The following GRIK1 variants were observed in gnomAD, a reference collection of about 807,000 sequenced individuals.
The protein encoded by GRIK1 is glutamate ionotropic receptor kainate type subunit 1.
GRIK1 carries 69 observed loss-of-function variants against 105.7 expected under a neutral mutation model. The ratio of observed to expected loss-of-function variants is 0.65; its 90% CI spans 0.54 to 0.80. The LOEUF is 0.80. Ranked by LOEUF, GRIK1 falls within the 30% of genes least tolerant of loss-of-function variation. The probability of loss-of-function intolerance (pLI) is 0.00; values close to 1 mark genes in which losing one functional copy is unlikely to be tolerated. For synonymous variants in GRIK1, 438 were observed against 431.3 expected (o/e 1.02, Z -0.19); for missense variants, 1,109 against 1,167.3 (o/e 0.95, Z 0.73).
In GRIK1 at chr21:29,581,515, G is replaced by A. The variant is rs1357481870; in HGVS notation, c.1822C>T (p.His608Tyr). 7 of 1,608,808 alleles carry A rather than the reference G, an allele frequency of 4.4e-6. No homozygotes were observed. The highest frequency in any genetic ancestry group is 6.0e-6 in the Non-Finnish European group (7 of 1,175,406). ...RFTPYEWYNP[H>Y]PCNPDSDVVE... ...ACGTCTGAGTCAGGGTTGCATGGGTGGGGGTTATACCACTCGTAGGGTGTA... is the reference window on the plus strand; with the variant it reads ...ACGTCTGAGTCAGGGTTGCATGGGTAGGGGTTATACCACTCGTAGGGTGTA... The change falls in exon 13 of 18, where the codon CAC becomes TAC. Residue 608 changes from histidine to tyrosine, a missense_variant. By Grantham distance (83) the His-to-Tyr change is moderately conservative (BLOSUM62 2). Around this residue, in one of 5 missense-constraint regions of GRIK1, gnomAD observed 264 missense variants for 306.9 expected, o/e 0.86. Transcript: ENST00000327783.
chr21:29,902,259 C>T (rs1163253009), intron 1 of GRIK1, among the ~76,000 whole-genome samples: 2 of 152,206 alleles, frequency 1.3e-5, no homozygotes, highest in African/African-American at 2.4e-5. Flanking sequence ...TCCTCTCTTA[C>T]CACTCCTATT....
intron 7 of GRIK1, among the ~76,000 whole-genome samples, chr21:29,599,882 C>G (rs781265511): frequency 1.3e-5 from 2 of 152,174 alleles, no homozygotes; most frequent in African/African-American, 2.4e-5. Context: ...GGGCGGAGAT[C>G]GAGACCATCC....
chr21:29,681,042 A>G (rs570005923), intron 3 of GRIK1, among the ~76,000 whole-genome samples: 1 of 152,338 alleles, frequency 6.6e-6, no homozygotes, highest in East Asian at 1.9e-4. Context: ...CTGAAGCAGA[A>G]TAATTGCTTG....
rs2089941774 is a variant in GRIK1, at chr21:29,539,936, AT to A, written c.2608-2053del. ...CATCTACACATTACCTTTTAAAAAT[AT>A]TTTTTATCACTATAGATAGCTTTTT... is the stretch of plus-strand genomic sequence containing the variant. On this transcript the variant is annotated intron_variant, in intron 16 of 17. Transcript: ENST00000327783. Among the ~76,000 whole-genome samples the A allele has an allele frequency of 2.6e-5, 4 of 152,196 alleles. No individual in the cohort carries two copies. In the South Asian group the frequency reaches 8.3e-4, roughly 31 times the overall value.
At chr21:29,701,548 T>A (rs952241537) in intron 1 of GRIK1, among the ~76,000 whole-genome samples, 4 of 152,160 alleles carry the variant, frequency 2.6e-5, no homozygotes, top group African/African-American at 9.7e-5. Flanking sequence ...TTAAGGGCCA[T>A]CACAGGGCTG....
chr21:29,591,158 A>G lies in GRIK1; in HGVS notation c.1319T>C (p.Ile440Thr). 6.2e-7 allele frequency: 1 copy of G among 1,611,226 alleles called. No individual in the cohort carries two copies. The highest frequency in any genetic ancestry group is 8.5e-7 in the Non-Finnish European group (1 of 1,177,340). Reference protein sequence around the residue: ...TDSNKDKSSNITDSLANRTLI... With the variant: ...TDSNKDKSSNTTDSLANRTLI... ...TGTTCTGTTGGCCAATGAATCAGTG[A>G]TATTGCTGGACTTGTCTTTGTTGCT... Residue 440 changes from isoleucine (I) to threonine (T), a missense_variant, in exon 10 of 18, where the codon ATC becomes ACC. By Grantham distance (89) the Ile-to-Thr change is moderately conservative. Around this residue, in one of 5 missense-constraint regions of GRIK1, gnomAD observed 612 missense variants for 586.0 expected, o/e 1.04. Coordinates refer to ENST00000327783, the MANE Select transcript of GRIK1 (RefSeq NM_001330994.2).
chr21:29,839,704 G>A (rs975389054), intron 1 of GRIK1, among the ~76,000 whole-genome samples: 7 of 152,084 alleles, frequency 4.6e-5, no homozygotes, highest in African/African-American at 1.7e-4. Flanking sequence ...ACCATATCTG[G>A]AGTAAGACAA....
chr21:29,793,182 G>T (rs2066470218), intron 1 of GRIK1, among the ~76,000 whole-genome samples: 1 of 152,160 alleles, frequency 6.6e-6, no homozygotes, highest in Admixed American at 6.5e-5. Flanking sequence ...CTGGGACCTA[G>T]CATGCAAGGC....
intron 13 of GRIK1, 72 bp from the exon 14 acceptor site, chr21:29,577,253 T>A: frequency 1.2e-6 from 1 of 816,636 alleles, no homozygotes; most frequent in Non-Finnish European, 2.1e-6. Flanking sequence ...AGTTCGACAC[T>A]ATTCTAGGAA....
At chr21:29,711,293 TG>T (rs2064043564) in intron 1 of GRIK1, among the ~76,000 whole-genome samples, 1 of 152,186 alleles carries the variant, frequency 6.6e-6, no homozygotes, top group African/African-American at 2.4e-5. Flanking sequence ...TAAATACCAT[TG>T]TGTTACAGTT....
chr21:29,620,172 C>T (rs781073304), intron 7 of GRIK1, among the ~76,000 whole-genome samples: 1 of 152,178 alleles, frequency 6.6e-6, no homozygotes, highest in Non-Finnish European at 1.5e-5. Context: ...TAACTGCATG[C>T]ATACTAGCTT....
intron 1 of GRIK1, among the ~76,000 whole-genome samples, chr21:29,745,773 T>G (rs572889004): frequency 6.6e-6 from 1 of 152,306 alleles, no homozygotes; most frequent in African/African-American, 2.4e-5. Context: ...AATTAGCCAA[T>G]CAAAGCAACA....
At chr21:29,582,410 G>A (rs1300108357) in intron 12 of GRIK1, 6 of 429,042 alleles carry the variant, frequency 1.4e-5, no homozygotes, top group Non-Finnish European at 2.4e-5. Flanking sequence ...GGTGCGCTAT[G>A]GGCAGTAAAC....
At chr21:29,623,603 C>A (rs1232845866) in intron 7 of GRIK1, among the ~76,000 whole-genome samples, 2 of 152,050 alleles carry the variant, frequency 1.3e-5, no homozygotes, top group African/African-American at 4.8e-5. Context: ...TCTTTAATTG[C>A]TCAATGTATA....
chr21:29,575,271 AGT>A, intron 14 of GRIK1, among the ~76,000 whole-genome samples: 1 of 152,188 alleles, frequency 6.6e-6, no homozygotes, highest in East Asian at 1.9e-4. Context: ...ATTTTTCACA[AGT>A]CAAACAGTCC....
intron 1 of GRIK1, among the ~76,000 whole-genome samples, chr21:29,735,338 C>T (rs142278327): frequency 2.0e-5 from 3 of 152,284 alleles, no homozygotes; most frequent in Non-Finnish European, 2.9e-5. Flanking sequence ...GGTGTCAAGT[C>T]CAACTCATAA....
chr21:29,709,158 T>C (rs2063984087), intron 1 of GRIK1, among the ~76,000 whole-genome samples: 1 of 152,188 alleles, frequency 6.6e-6, no homozygotes, highest in South Asian at 2.1e-4. Flanking sequence ...TATAATTTAA[T>C]TTCTGGACTC....
At chr21:29,569,224 A>G (rs1485613625) in intron 14 of GRIK1, among the ~76,000 whole-genome samples, 1 of 152,212 alleles carries the variant, frequency 6.6e-6, no homozygotes, top group Non-Finnish European at 1.5e-5. Context: ...AATAGGACTA[A>G]TAGCTAGAGG....
intron 1 of GRIK1, among the ~76,000 whole-genome samples, chr21:29,716,502 A>T (rs907938444): frequency 3.9e-5 from 6 of 152,204 alleles, no homozygotes; most frequent in African/African-American, 1.4e-4. Context: ...CAAAATGCTG[A>T]TAGTAATGTG....
Sources: gnomAD v4.1 joint callset for allele counts (sites outside exome capture counted in the v4.1 genomes callset) on GRCh38, gnomAD v4.1.1 for gene constraint, gnomAD v4.1.1 regional missense constraint, MANE v1.5 for transcripts, NCBI Gene and HGNC (gene_info 2026-07-23, HGNC 2026-07-21) for gene names.